Variants in GRM7 observed in about 807,000 individuals in gnomAD.
The protein encoded by GRM7 is glutamate metabotropic receptor 7.
A neutral mutation model predicts 84.5 loss-of-function variants in GRM7; 35 were observed. The observed-to-expected ratio is 0.41, with a 90% confidence interval of 0.32 to 0.55. GRM7 has a LOEUF of 0.55. Among genes scored for constraint, GRM7 ranks in the 20% least tolerant of loss-of-function variants. GRM7 has a pLI of 0.19. For missense variants in GRM7, 1,003 were observed against 1,194.6 expected (o/e 0.84, Z 2.36); for synonymous variants, 487 against 455.1 (o/e 1.07, Z -0.89).
At chr3:7,251,449 A>G (rs925775276) in intron 2 of GRM7, among the ~76,000 whole-genome samples, 8 of 152,190 alleles carry the variant, frequency 5.3e-5, no homozygotes, top group Non-Finnish European at 2.9e-5. Context: ...TTGGAATATA[A>G]TGAAAATATG....
In GRM7 at chr3:7,611,204, G is replaced by A. The variant is rs74387954; in HGVS notation, c.2451+31847G>A. 7.2e-5 allele frequency among the ~76,000 whole-genome samples: 11 copies of A among 152,210 alleles called. 1 individual carries two copies. In the East Asian group the frequency reaches 1.9e-3, roughly 27 times the overall value. On this transcript the variant is annotated intron_variant, in intron 8 of 9. Coordinates refer to ENST00000357716, the MANE Select transcript of GRM7 (RefSeq NM_000844.4). ...AGTACTTATCTTCTTGGATTATTGC[G>A]AAAGATTTAAGGAATCTGTCCCCTA...
At chr3:7,447,688 A>C (rs576219429) in intron 5 of GRM7, among the ~76,000 whole-genome samples, 1 of 151,918 alleles carries the variant, frequency 6.6e-6, no homozygotes, top group Non-Finnish European at 1.5e-5. Context: ...ATCTCTTTGT[A>C]AGAATAAATA....
chr3:7,066,223 A>G (rs1234561673), intron 1 of GRM7, among the ~76,000 whole-genome samples: 2 of 151,996 alleles, frequency 1.3e-5, no homozygotes, highest in Non-Finnish European at 2.9e-5. Context: ...TTTACAAAGG[A>G]TAAATGAAAC....
chr3:7,160,109 G>A (rs964298477), intron 2 of GRM7, among the ~76,000 whole-genome samples: 5 of 152,122 alleles, frequency 3.3e-5, no homozygotes, highest in African/African-American at 1.2e-4. Context: ...TTGAGTAGGT[G>A]AAGTGAGGGA....
At chr3:6,904,604 C>T (rs913832826) in intron 1 of GRM7, among the ~76,000 whole-genome samples, 8 of 152,122 alleles carry the variant, frequency 5.3e-5, no homozygotes, top group African/African-American at 1.9e-4. Flanking sequence ...ATGATGCTAC[C>T]TCTTTTGTGT....
At chr3:7,182,798 C>A (rs184802355) in intron 2 of GRM7, among the ~76,000 whole-genome samples, 50 of 151,870 alleles carry the variant, frequency 3.3e-4, no homozygotes, top group Admixed American at 2.8e-3. Context: ...TACTGAAGTC[C>A]ACAAGGGAAA....
At chr3:6,896,929 C>G (rs538236149) in intron 1 of GRM7, among the ~76,000 whole-genome samples, 2 of 152,090 alleles carry the variant, frequency 1.3e-5, no homozygotes, top group Non-Finnish European at 2.9e-5. Flanking sequence ...TGTGTGTGCT[C>G]TATTACAACA....
In GRM7 at chr3:7,227,620, A is replaced by G. The variant is rs571024043; in HGVS notation, c.737-71064A>G. ...ACTGTTAAAATGAAATGGTAAACAT[A>G]AAGTGCTTATCATCATAAAAACCAC... is the stretch of plus-strand genomic sequence containing the variant. On this transcript the variant is annotated intron_variant, in intron 2 of 9. Coordinates refer to ENST00000357716, the MANE Select transcript of GRM7 (RefSeq NM_000844.4). Among the ~76,000 whole-genome samples the G allele has an allele frequency of 1.9e-4, 29 of 152,352 alleles. 5 individuals are homozygous for G. Among genetic ancestry groups the G allele is most frequent in the South Asian group, 1.5e-3 (7 of 4,826 alleles).
intron 1 of GRM7, among the ~76,000 whole-genome samples, chr3:6,875,330 G>T (rs1695262184): frequency 6.6e-6 from 1 of 151,714 alleles, no homozygotes. Flanking sequence ...ACCTTGAATT[G>T]TAATAATCCC....
chr3:7,465,903 G>A (rs1355757950), intron 7 of GRM7, among the ~76,000 whole-genome samples: 3 of 151,946 alleles, frequency 2.0e-5, no homozygotes, highest in East Asian at 1.9e-4. Context: ...TGCTGTCTGC[G>A]GTAAAATGTC....
intron 8 of GRM7, among the ~76,000 whole-genome samples, chr3:7,606,184 T>C (rs1358842771): frequency 1.3e-5 from 2 of 152,200 alleles, no homozygotes; most frequent in Non-Finnish European, 2.9e-5. Flanking sequence ...CCTGAGCAAC[T>C]CTTCTAATTT....
intron 9 of GRM7, among the ~76,000 whole-genome samples, chr3:7,692,153 T>C (rs958016003): frequency 5.9e-5 from 9 of 152,284 alleles, no homozygotes; most frequent in African/African-American, 2.2e-4. Flanking sequence ...AGTAGTCTTT[T>C]GGCTTGGTGA....
chr3:7,603,145 T>G (rs796979644), intron 8 of GRM7, among the ~76,000 whole-genome samples: 1 of 152,284 alleles, frequency 6.6e-6, no homozygotes, highest in African/African-American at 2.4e-5. Flanking sequence ...CCCATATACA[T>G]GCCCTTCGAT....
chr3:7,249,192 A>T (rs1031792896), intron 2 of GRM7, among the ~76,000 whole-genome samples: 2 of 152,004 alleles, frequency 1.3e-5, no homozygotes, highest in Non-Finnish European at 2.9e-5. Flanking sequence ...AGGTTTTGTG[A>T]CCTCCCCCAA....
At chr3:7,730,656 C>A (rs1702295101) in intron 9 of GRM7, among the ~76,000 whole-genome samples, 3 of 152,166 alleles carry the variant, frequency 2.0e-5, no homozygotes, top group African/African-American at 7.2e-5. Flanking sequence ...TCAGCAGGAG[C>A]TTTTCATCCA....
chr3:7,072,179 T>C (rs1179375508), intron 1 of GRM7, among the ~76,000 whole-genome samples: 1 of 151,984 alleles, frequency 6.6e-6, no homozygotes, highest in Non-Finnish European at 1.5e-5. Flanking sequence ...CTCTTGTAGG[T>C]GAATATGGTG....
intron 1 of GRM7, among the ~76,000 whole-genome samples, chr3:7,053,621 T>C (rs957354165): frequency 1.3e-5 from 2 of 151,656 alleles, no homozygotes; most frequent in Non-Finnish European, 3.0e-5. Context: ...CATCATTTGT[T>C]AAAAATGTTA....
intron 4 of GRM7, among the ~76,000 whole-genome samples, chr3:7,340,925 A>G (rs923744045): frequency 6.6e-6 from 1 of 152,108 alleles, no homozygotes; most frequent in African/African-American, 2.4e-5. Context: ...GAGGGCTGGT[A>G]TTTATTGCTT....
chr3:7,694,005 CTCTT>C (rs1212076225), intron 9 of GRM7, among the ~76,000 whole-genome samples: 2 of 152,140 alleles, frequency 1.3e-5, no homozygotes, highest in Non-Finnish European at 2.9e-5. Context: ...AAAAGCCAGT[CTCTT>C]TCTGAGTACT....
Sources: gnomAD v4.1 joint callset for allele counts (sites outside exome capture counted in the v4.1 genomes callset) on GRCh38, gnomAD v4.1.1 for gene constraint, MANE v1.5 for transcripts, NCBI Gene and HGNC (gene_info 2026-07-23, HGNC 2026-07-21) for gene names.